NUP210: variants seen among roughly 807,000 people sequenced by gnomAD.
The protein encoded by NUP210 is nucleoporin 210, also known as nuclear pore membrane glycoprotein 210.
Under a neutral mutation model 196.0 loss-of-function variants are expected in NUP210, and 151 were observed. The observed-to-expected ratio is 0.77, with a 90% confidence interval of 0.67 to 0.88. NUP210 has a LOEUF of 0.88. Ranked by LOEUF, NUP210 falls within the 40% of genes least tolerant of loss-of-function variation. The pLI is 0.00. For synonymous variants in NUP210, 1,070 were observed against 1,052.7 expected, an observed-to-expected ratio of 1.02 and a Z score of -0.32; for missense variants, 2,314 against 2,493.7, an observed-to-expected ratio of 0.93 and a Z score of 1.53.
intron 1 of NUP210, among the ~76,000 whole-genome samples, chr3:13,404,687 G>A (rs1368127985): frequency 6.6e-6 from 1 of 152,212 alleles, no homozygotes; most frequent in Non-Finnish European, 1.5e-5. Flanking sequence ...GGGCCACGCA[G>A]AAGCGCCCTC....
intron 26 of NUP210, among the ~76,000 whole-genome samples, chr3:13,337,507 A>T (rs1277685979): frequency 6.6e-6 from 1 of 152,226 alleles, no homozygotes; most frequent in African/African-American, 2.4e-5. Flanking sequence ...TGGTTCTGAC[A>T]CCAGCCTCCC....
At chr3:13,332,453 T>C in intron 28 of NUP210, 69 bp from the exon 29 acceptor site, 1 of 1,232,292 alleles carries the variant, frequency 8.1e-7, no homozygotes, top group Non-Finnish European at 1.2e-6. Flanking sequence ...TGTCTGCTTC[T>C]CTCCTAGCAG....
At chr3:13,415,792 C>T (rs1700329768) in intron 1 of NUP210, among the ~76,000 whole-genome samples, 1 of 152,152 alleles carries the variant, frequency 6.6e-6, no homozygotes, top group Non-Finnish European at 1.5e-5. Context: ...GGCTCAGGGT[C>T]CCTGAGCCCA....
chr3:13,319,379 C>T, intron 37 of NUP210, 54 bp from the exon 38 acceptor site: 9 of 1,384,202 alleles, frequency 6.5e-6, no homozygotes, highest in Non-Finnish European at 9.1e-6. Context: ...CTGTGGCATC[C>T]CATCACGTTC....
At chr3:13,362,970 G>A (rs1055268163) in intron 14 of NUP210, among the ~76,000 whole-genome samples, 1 of 152,086 alleles carries the variant, frequency 6.6e-6, no homozygotes, top group Non-Finnish European at 1.5e-5. Flanking sequence ...GACATCACTG[G>A]ATATACCATC....
At chr3:13,374,007 C>G (rs1424532007) in intron 11 of NUP210, 134 bp from the exon 12 acceptor site, 1 of 1,009,522 alleles carries the variant, frequency 9.9e-7, no homozygotes, top group Non-Finnish European at 1.5e-6. Context: ...CATGGGTTCA[C>G]CCATGCACAC....
intron 1 of NUP210, among the ~76,000 whole-genome samples, chr3:13,416,482 C>T (rs1048800747): frequency 6.6e-6 from 1 of 152,228 alleles, no homozygotes. Flanking sequence ...GGTCTCTTCG[C>T]CTGAAGGCAG....
At chr3:13,398,337 G>A (rs559778621) in intron 2 of NUP210, among the ~76,000 whole-genome samples, 329 of 152,174 alleles carry the variant, frequency 2.2e-3, no homozygotes, top group South Asian at 6.6e-3. Flanking sequence ...CAGCTACTTG[G>A]GAGGCTGAGG....
Position 13,366,230 on chromosome 3 carries a change from G to T in NUP210, c.1787-139C>A. On this transcript the variant is annotated intron_variant, in intron 13 of 39. Coordinates refer to ENST00000254508, the MANE Select transcript of NUP210 (RefSeq NM_024923.4). ...TGCGACCTCCGCCTCCGGGGTTCAA[G>T]TGATTCTCCTGCCTCAGCCTCCCAG... The T allele has an allele frequency of 3.9e-6, 3 of 764,196 alleles. No individual in the cohort carries two copies. In the South Asian group the frequency reaches 5.7e-5, roughly 14 times the overall value. The allele number at this position is 764,196 out of a possible 1,614,324, so 47.3% of individuals were successfully genotyped here. A position where few individuals can be genotyped will look rare whatever the true frequency, so the allele number is the denominator to read the frequency against.
At chr3:13,370,816 C>A (rs998777063) in intron 13 of NUP210, among the ~76,000 whole-genome samples, 28 of 152,356 alleles carry the variant, frequency 1.8e-4, no homozygotes, top group African/African-American at 6.7e-4. Context: ...CACAGGCGAT[C>A]CTACAAACAC....
At chr3:13,344,110 G>A (rs1473752987) in intron 20 of NUP210, among the ~76,000 whole-genome samples, 1 of 152,118 alleles carries the variant, frequency 6.6e-6, no homozygotes, top group African/African-American at 2.4e-5. Flanking sequence ...GTGCAGTGAC[G>A]GGATCACAGC....
chr3:13,383,011 G>T lies in NUP210; in HGVS notation c.817+3264C>A, dbSNP rs750104899. ...AAAAAAAAAATTAGCCAGGCATGTG[G>T]TGTGTGCCTGTGGTCCCAGCTACTC... On this transcript the variant is annotated intron_variant, in intron 6 of 39. Coordinates refer to ENST00000254508, the MANE Select transcript of NUP210 (RefSeq NM_024923.4). 9.9e-5 allele frequency among the ~76,000 whole-genome samples: 15 copies of T among 152,210 alleles called. No individual in the cohort carries two copies. In the South Asian group the frequency reaches 1.0e-3, roughly 11 times the overall value.
At chr3:13,403,266 G>C (rs577359272) in intron 1 of NUP210, among the ~76,000 whole-genome samples, 3 of 152,330 alleles carry the variant, frequency 2.0e-5, no homozygotes, top group East Asian at 3.9e-4. Context: ...CAGTTCTGGA[G>C]GCTGGCAGTC....
intron 29 of NUP210, 56 bp downstream of exon 29, chr3:13,332,237 G>T: frequency 7.2e-7 from 1 of 1,392,820 alleles, no homozygotes; most frequent in Non-Finnish European, 1.0e-6. Context: ...CACATGAGGT[G>T]TCGGATGCAA....
chr3:13,395,066 C>G (rs1699607704), intron 3 of NUP210, among the ~76,000 whole-genome samples: 1 of 152,088 alleles, frequency 6.6e-6, no homozygotes, highest in African/African-American at 2.4e-5. Context: ...AGGTGACGTC[C>G]TACTCTGGAA....
At chr3:13,409,383 G>A (rs1216673945) in intron 1 of NUP210, among the ~76,000 whole-genome samples, 2 of 152,136 alleles carry the variant, frequency 1.3e-5, no homozygotes, top group Non-Finnish European at 2.9e-5. Context: ...CCACAGAGCT[G>A]CTCATCCCTT....
At position 13,386,276 on chromosome 3, in the gene NUP210, T is replaced by A. The variant is rs1559339947; in HGVS notation, c.816A>T (p.Thr272=). Residue 272 remains threonine (T), a splice_region_variant and synonymous_variant, in exon 6 of 40, where the codon ACA becomes ACT. Transcript: ENST00000254508. ...KVQKIRQGKI[T]ELSMPSDQYE... ...ATGATGGCAGAGCCAATGACACACC[T>A]GTAATTTTCCCTTGCCTGATCTTCT... The A allele has an allele frequency of 6.2e-7, 1 of 1,612,764 alleles. No individual in the cohort carries two copies.
intron 6 of NUP210, among the ~76,000 whole-genome samples, chr3:13,380,423 T>A (rs1699062416): frequency 6.6e-6 from 1 of 152,138 alleles, no homozygotes; most frequent in Non-Finnish European, 1.5e-5. Flanking sequence ...CTCATATCCC[T>A]CAATAGCCCT....
At chr3:13,380,321 G>A (rs1174904458) in intron 6 of NUP210, among the ~76,000 whole-genome samples, 5 of 152,154 alleles carry the variant, frequency 3.3e-5, no homozygotes, top group Non-Finnish European at 5.9e-5. Context: ...TGCTCTGTGG[G>A]CAGAGACCAC....
Sources: gnomAD v4.1 joint callset for allele counts (sites outside exome capture counted in the v4.1 genomes callset) on GRCh38, gnomAD v4.1.1 for gene constraint, MANE v1.5 for transcripts, NCBI Gene and HGNC (gene_info 2026-07-23, HGNC 2026-07-21) for gene names.